SRGAP3: variants seen among roughly 807,000 people sequenced by gnomAD.
The protein encoded by SRGAP3 is SLIT-ROBO Rho GTPase-activating protein 3.
SRGAP3 carries 39 observed loss-of-function variants against 121.1 expected under a neutral mutation model. That is an observed-to-expected ratio of 0.32 (90% CI 0.25 to 0.42). The LOEUF is 0.42. Among genes scored for constraint, SRGAP3 ranks in the 10% least tolerant of loss-of-function variants. The pLI is 1.00. For missense variants in SRGAP3, 1,213 were observed against 1,470.6 expected, an observed-to-expected ratio of 0.82 and a Z score of 2.86; for synonymous variants, 601 against 570.0, an observed-to-expected ratio of 1.05 and a Z score of -0.77.
rs1375818565 is a variant in SRGAP3 at position 8,992,906 on chromosome 3, C to T, written c.2558G>A (p.Arg853Gln). Reference protein sequence around the residue: ...SDYGFGGVMGRVRLRSDGAAI... With the variant: ...SDYGFGGVMGQVRLRSDGAAI... ...GAAAAAATGAATCCGCATATCCTACCGGCCCATCACCCCCCCAAAGCCGTA... is the reference window on the plus strand; with the variant it reads ...GAAAAAATGAATCCGCATATCCTACTGGCCCATCACCCCCCCAAAGCCGTA... Residue 853 changes from arginine (R) to glutamine (Q), a missense_variant and splice_region_variant, in exon 20 of 22, where the codon CGA becomes CAA. By Grantham distance (43) the Arg-to-Gln change is conservative. Coordinates refer to ENST00000383836, the MANE Select transcript of SRGAP3 (RefSeq NM_014850.4). 6.2e-6 allele frequency: 10 copies of T among 1,614,066 alleles called. No homozygotes were observed. The highest frequency in any genetic ancestry group is 2.2e-5 in the East Asian group (1 of 44,882).
intron 4 of SRGAP3, among the ~76,000 whole-genome samples, chr3:9,071,181 C>T (rs1401452548): frequency 1.3e-5 from 2 of 152,266 alleles, no homozygotes; most frequent in African/African-American, 4.8e-5. Flanking sequence ...GGAACCACTT[C>T]CTCATTCTCC....
At chr3:9,086,772 GTATTT>G (rs1407031115) in intron 3 of SRGAP3, among the ~76,000 whole-genome samples, 1 of 145,756 alleles carries the variant, frequency 6.9e-6, no homozygotes, top group Non-Finnish European at 1.5e-5. Context: ...CATATAATAT[GTATTT>G]TATATGTATA....
At chr3:9,328,155 A>G (rs1254188400) in intron 2 of SRGAP3, among the ~76,000 whole-genome samples, 1 of 152,256 alleles carries the variant, frequency 6.6e-6, no homozygotes, top group Non-Finnish European at 1.5e-5. Context: ...AAAGGTTACT[A>G]AAGTTACATG....
At chr3:9,055,474 T>G (rs1229120288) in intron 8 of SRGAP3, among the ~76,000 whole-genome samples, 2 of 152,196 alleles carry the variant, frequency 1.3e-5, no homozygotes. Context: ...TCTGGCCTCT[T>G]CAGTCCACAT....
chr3:9,025,323 C>A lies in SRGAP3; in HGVS notation c.1616G>T (p.Gly539Val). The A allele has an allele frequency of 6.2e-7, 1 of 1,614,126 alleles. No individual in the cohort carries two copies. The highest frequency in any genetic ancestry group is 8.5e-7 in the Non-Finnish European group (1 of 1,180,026). ...CTGAGATCCTGGCACTCTGAAGATC[C>A]CCTGCTGCTGGAGTCCTAAAAAAGA... is the stretch of plus-strand genomic sequence containing the variant. ...YINLYGLQQQGIFRVPGSQVE... is the reference protein window; with the variant it reads ...YINLYGLQQQVIFRVPGSQVE... The change falls in exon 14 of 22, where the codon GGG becomes GTG. Residue 539 changes from glycine to valine, a missense_variant. Physicochemically the swap from Gly to Val is moderately radical, Grantham distance 109. This residue lies in a region of SRGAP3 where 793 missense variants were observed against 1,032.9 expected (regional missense o/e 0.77). Coordinates refer to ENST00000383836, the MANE Select transcript of SRGAP3 (RefSeq NM_014850.4).
At chr3:9,014,730 G>C (rs1943547946) in intron 15 of SRGAP3, 1 of 152,168 alleles carries the variant, frequency 6.6e-6, no homozygotes, top group South Asian at 2.1e-4. Flanking sequence ...ATAAAAAAGA[G>C]CTCAAACCTC....
At chr3:9,206,154 T>TA (rs1005132997) in intron 1 of SRGAP3, among the ~76,000 whole-genome samples, 2 of 152,160 alleles carry the variant, frequency 1.3e-5, no homozygotes, top group African/African-American at 4.8e-5. Context: ...AATAAATATT[T>TA]AAAATGAAGT....
At chr3:9,207,579 G>C (rs1574869483) in intron 1 of SRGAP3, among the ~76,000 whole-genome samples, 1 of 152,154 alleles carries the variant, frequency 6.6e-6, no homozygotes, top group East Asian at 1.9e-4. Flanking sequence ...CCCGCGGGAG[G>C]GAGGAGAAGG....
chr3:9,309,281 T>C (rs929618439), intron 3 of SRGAP3, among the ~76,000 whole-genome samples: 2 of 152,216 alleles, frequency 1.3e-5, no homozygotes, highest in African/African-American at 4.8e-5. Flanking sequence ...GAGTGTTGTA[T>C]TAAGCTACTA....
chr3:8,994,623 T>C, intron 18 of SRGAP3, 100 bp from the exon 19 acceptor site: 6 of 1,474,464 alleles, frequency 4.1e-6, no homozygotes, highest in Non-Finnish European at 5.6e-6. Context: ...AAGGATAGAC[T>C]GCACAGCTGG....
intron 2 of SRGAP3, among the ~76,000 whole-genome samples, chr3:9,113,009 G>A (rs1211727286): frequency 1.3e-5 from 2 of 152,224 alleles, no homozygotes; most frequent in Non-Finnish European, 2.9e-5. Context: ...TAAGCATGAA[G>A]CCCTCATGGG....
chr3:9,106,397 G>T (rs955825854), intron 2 of SRGAP3, among the ~76,000 whole-genome samples: 1 of 152,200 alleles, frequency 6.6e-6, no homozygotes, highest in Non-Finnish European at 1.5e-5. Flanking sequence ...GGCCTGCCTT[G>T]TCCCACCCCT....
chr3:9,279,117 AG>A (rs1167954952), intron 3 of SRGAP3, among the ~76,000 whole-genome samples: 2 of 152,082 alleles, frequency 1.3e-5, no homozygotes, highest in Non-Finnish European at 2.9e-5. Context: ...GGAAAAAAAA[AG>A]GGGGGGATAT....
intron 15 of SRGAP3, 40 bp downstream of exon 15, chr3:9,015,556 AT>A: frequency 6.2e-7 from 1 of 1,612,454 alleles, no homozygotes; most frequent in African/African-American, 1.3e-5. Context: ...TCCAACAATG[AT>A]TTGTCAAAAA....
chr3:9,160,265 C>T (rs1575164337), intron 1 of SRGAP3, among the ~76,000 whole-genome samples: 1 of 152,320 alleles, frequency 6.6e-6, no homozygotes, highest in East Asian at 1.9e-4. Flanking sequence ...CCTTCACCTC[C>T]CCCTAAGTGT....
At position 9,302,714 on chromosome 3, in the gene SRGAP3, G is replaced by A. The variant is rs77131355; in HGVS notation, n.442+23296C>T. ...TTGCAGTGAGGAAGGGCTAGCGTCT[G>A]CCGCGGGGTGGGTCTTGGCCGGATC... On this transcript the variant is annotated intron_variant and non_coding_transcript_variant, in intron 3 of 3. Transcript: ENST00000490889. Among the ~76,000 whole-genome samples the A allele has an allele frequency of 5.6e-4, 86 of 152,320 alleles. No individual in the cohort carries two copies. The East Asian group carries it at 0.014, about 25-fold the overall frequency.
At chr3:9,090,993 C>T (rs965102607) in intron 3 of SRGAP3, among the ~76,000 whole-genome samples, 18 of 151,736 alleles carry the variant, frequency 1.2e-4, no homozygotes, top group African/African-American at 3.1e-4. Flanking sequence ...AACTCAAAGA[C>T]GGGTCATTTC....
intron 1 of SRGAP3, among the ~76,000 whole-genome samples, chr3:9,211,748 G>A (rs1952454286): frequency 1.4e-5 from 2 of 147,932 alleles, no homozygotes; most frequent in Non-Finnish European, 3.0e-5. Context: ...ACTCACTGCA[G>A]CCTCACAGCC....
intron 1 of SRGAP3, among the ~76,000 whole-genome samples, chr3:9,195,143 C>A (rs1398939227): frequency 6.6e-6 from 1 of 152,232 alleles, no homozygotes. Flanking sequence ...AGCTCTCCAT[C>A]ACATAGTGTT....
Sources: gnomAD v4.1 joint callset for allele counts (sites outside exome capture counted in the v4.1 genomes callset) on GRCh38, gnomAD v4.1.1 for gene constraint, gnomAD v4.1.1 regional missense constraint, MANE v1.5 for transcripts, NCBI Gene and HGNC (gene_info 2026-07-23, HGNC 2026-07-21) for gene names.